Variants in ARL3 observed in about 807,000 individuals in gnomAD.
The protein encoded by ARL3 is ARF like GTPase 3, also known as ADP-ribosylation factor-like protein 3.
Under a neutral mutation model 26.0 loss-of-function variants are expected in ARL3, and 9 were observed. That is an observed-to-expected ratio of 0.35 (90% CI 0.21 to 0.60). ARL3 has a LOEUF of 0.60. Among genes scored for constraint, ARL3 ranks in the 20% least tolerant of loss-of-function variants. The pLI, the probability that ARL3 is intolerant of heterozygous loss-of-function variation, is 0.78. For synonymous variants in ARL3, 71 were observed against 78.4 expected, an observed-to-expected ratio of 0.91 and a Z score of 0.50; for missense variants, 158 against 215.7, an observed-to-expected ratio of 0.73 and a Z score of 1.67.
intron 3 of ARL3, among the ~76,000 whole-genome samples, chr10:102,696,719 T>C (rs887374584): frequency 8.5e-5 from 13 of 152,224 alleles, no homozygotes; most frequent in East Asian, 1.9e-4. Context: ...CCAAGGATGA[T>C]TGCATTGTTT....
At chr10:102,682,650 T>C (rs2064161088) in intron 5 of ARL3, among the ~76,000 whole-genome samples, 2 of 152,238 alleles carry the variant, frequency 1.3e-5, no homozygotes. Context: ...AGCAGCTCCA[T>C]GGCTGTTTCC....
intron 3 of ARL3, among the ~76,000 whole-genome samples, chr10:102,691,989 C>T (rs1261379135): frequency 2.0e-5 from 3 of 152,188 alleles, no homozygotes; most frequent in Non-Finnish European, 4.4e-5. Context: ...GAAAGGTTGA[C>T]TCTCAATCCA....
At chr10:102,690,490 C>T (rs958412340) in intron 3 of ARL3, among the ~76,000 whole-genome samples, 11 of 151,648 alleles carry the variant, frequency 7.3e-5, no homozygotes, top group Non-Finnish European at 1.3e-4. Flanking sequence ...TTCACCATGT[C>T]GGCCAGGCTG....
chr10:102,697,371 G>A (rs547940390), intron 3 of ARL3, among the ~76,000 whole-genome samples: 1 of 152,116 alleles, frequency 6.6e-6, no homozygotes, highest in African/African-American at 2.4e-5. Context: ...TAGAGATGCA[G>A]TTTCACCATC....
rs773330595 is a variant in ARL3, at chr10:102,684,620, A to C, written c.501+1196T>G. On this transcript the variant is annotated intron_variant, in intron 5 of 5. Transcript: ENST00000260746. Reference sequence around the variant, plus strand: ...CAATCGGAGTAAAATATGTTAGACAAATTTTGATTGTTTATTTTTATTTAT... The same window carrying C: ...CAATCGGAGTAAAATATGTTAGACACATTTTGATTGTTTATTTTTATTTAT... Among the ~76,000 whole-genome samples, 43 of 151,910 alleles carry C rather than the reference A, an allele frequency of 2.8e-4. 1 individual carries two copies. In the South Asian group the frequency reaches 4.8e-3, roughly 17 times the overall value.
At chr10:102,700,267 G>C (rs1201119866) in intron 2 of ARL3, among the ~76,000 whole-genome samples, 1 of 151,934 alleles carries the variant, frequency 6.6e-6, no homozygotes, top group Non-Finnish European at 1.5e-5. Context: ...AAATTAGCCA[G>C]GCGTGTTGGC....
intron 2 of ARL3, among the ~76,000 whole-genome samples, chr10:102,705,018 A>T (rs2064301741): frequency 1.3e-5 from 2 of 152,156 alleles, no homozygotes; most frequent in South Asian, 4.1e-4. Flanking sequence ...CATTAAATAC[A>T]TTCACACTGT....
At chr10:102,709,528 T>A (rs1400705237) in intron 1 of ARL3, among the ~76,000 whole-genome samples, 6 of 149,604 alleles carry the variant, frequency 4.0e-5, no homozygotes, top group Non-Finnish European at 7.4e-5. Context: ...GCACCTGCGG[T>A]TCCAGCTACT....
At chr10:102,685,791 T>C in intron 5 of ARL3, 25 bp downstream of exon 5, 6 of 1,562,164 alleles carry the variant, frequency 3.8e-6, no homozygotes, top group Non-Finnish European at 4.3e-6. Flanking sequence ...TGTTGCCAGG[T>C]GGCCAAGCCT....
At chr10:102,711,314 C>CTG (rs3977757) in intron 1 of ARL3, among the ~76,000 whole-genome samples, 19 of 143,174 alleles carry the variant, frequency 1.3e-4, no homozygotes, top group African/African-American at 3.1e-4. Context: ...TATTCAGCTT[C>CTG]TGTGTGTGTG....
At chr10:102,684,868 C>G (rs959363208) in intron 5 of ARL3, among the ~76,000 whole-genome samples, 8 of 151,500 alleles carry the variant, frequency 5.3e-5, no homozygotes, top group African/African-American at 1.9e-4. Context: ...GTCTCGAACC[C>G]CTGACCTCAG....
chr10:102,679,809 C>T (rs2064146470), intron 5 of ARL3, among the ~76,000 whole-genome samples: 1 of 152,210 alleles, frequency 6.6e-6, no homozygotes, highest in Admixed American at 6.5e-5. Flanking sequence ...CCTGGCTGCA[C>T]AATCCTCACA....
intron 3 of ARL3, among the ~76,000 whole-genome samples, chr10:102,695,979 AT>A (rs1233100519): frequency 6.8e-6 from 1 of 147,698 alleles, no homozygotes; most frequent in Non-Finnish European, 1.5e-5. Context: ...TTTATTTTTT[AT>A]TCAGACAGAG....
chr10:102,710,522 T>C (rs1390962778), intron 1 of ARL3, among the ~76,000 whole-genome samples: 2 of 152,224 alleles, frequency 1.3e-5, no homozygotes, highest in African/African-American at 4.8e-5. Context: ...TTTTGCAGTA[T>C]AAATACAATG....
At chr10:102,706,659 C>A (rs1180684776) in intron 1 of ARL3, among the ~76,000 whole-genome samples, 1 of 151,980 alleles carries the variant, frequency 6.6e-6, no homozygotes, top group Non-Finnish European at 1.5e-5. Flanking sequence ...CAAAAACCCA[C>A]CAAAATTAAC....
rs1177652396 is a variant in ARL3, at chr10:102,676,871, C to T, written c.*23G>A. The T allele has an allele frequency of 6.2e-7, 1 of 1,613,396 alleles. No homozygotes were observed. Among genetic ancestry groups the T allele is most frequent in the South Asian group, 1.1e-5 (1 of 91,048 alleles). ...GGACCGAATTCGGCTCCCGCAGCTC[C>T]TGCATCTCCATTCGTCTAGATTTTA... On this transcript the variant is annotated 3_prime_UTR_variant, in exon 6 of 6. Transcript: ENST00000260746.
intron 3 of ARL3, among the ~76,000 whole-genome samples, chr10:102,693,989 TTTTA>T (rs1467050509): frequency 6.6e-6 from 1 of 151,828 alleles, no homozygotes; most frequent in Non-Finnish European, 1.5e-5. Context: ...GAAGTTTTAT[TTTTA>T]TTTATTTTTT....
chr10:102,693,459 C>A (rs2064230625), intron 3 of ARL3, among the ~76,000 whole-genome samples: 1 of 152,030 alleles, frequency 6.6e-6, no homozygotes, highest in Non-Finnish European at 1.5e-5. Flanking sequence ...TAATACTGAA[C>A]ATTTTTTATA....
intron 2 of ARL3, among the ~76,000 whole-genome samples, chr10:102,702,800 G>A (rs530954244): frequency 6.6e-6 from 1 of 152,278 alleles, no homozygotes; most frequent in South Asian, 2.1e-4. Context: ...TTCAGAAGCT[G>A]TAAAAATTGT....
Sources: allele counts gnomAD v4.1 joint callset (sites outside exome capture counted in the v4.1 genomes callset), GRCh38; gene constraint gnomAD v4.1.1; transcripts MANE v1.5; gene names NCBI Gene and HGNC (gene_info 2026-07-23, HGNC 2026-07-21).